Variants in BRF1 observed in about 807,000 individuals in gnomAD.
The protein encoded by BRF1 is BRF1 general transcription factor IIIB subunit, also known as transcription factor IIIB 90 kDa subunit.
A neutral mutation model predicts 81.7 loss-of-function variants in BRF1; 59 were observed. That is an observed-to-expected ratio of 0.72 (90% CI 0.59 to 0.90). The LOEUF (loss-of-function observed/expected upper bound fraction) is 0.90. BRF1 is among the 40% of genes least tolerant of loss of function. BRF1 has a pLI of 0.00. For synonymous variants in BRF1, 491 were observed against 395.6 expected (o/e 1.24, Z -2.86); for missense variants, 1,050 against 936.3 (o/e 1.12, Z -1.58).
Position 105,315,090 on chromosome 14 carries a change from C to CTGGCCGCG in BRF1, c.-162+224_-162+231dup. On this transcript the variant is annotated intron_variant, in intron 1 of 17. Transcript: ENST00000327359. This position sits in a 1 kb window ranked among gnomAD's most constrained non-coding sequence, Gnocchi z 4.4. ...CCGCCGGGCACCTGCTGGGGGTGTC[C>CTGGCCGCG]TGGCCGCGGCCTCTGCGCGCCCCAT... 9.5e-7 allele frequency: 1 copy of CTGGCCGCG among 1,048,746 alleles called. No individual in the cohort carries two copies. Among genetic ancestry groups the CTGGCCGCG allele is most frequent in the Middle Eastern group, 4.4e-4 (1 of 2,298 alleles). The allele number at this position is 1,048,746 out of a possible 1,614,324, so 65.0% of individuals were successfully genotyped here. A position where few individuals can be genotyped will look rare whatever the true frequency, so the allele number is the denominator to read the frequency against.
intron 5 of BRF1, among the ~76,000 whole-genome samples, chr14:105,243,327 A>C (rs185984766): frequency 4.4e-4 from 66 of 150,978 alleles, no homozygotes; most frequent in African/African-American, 1.6e-3. Flanking sequence ...GCGGGCACCT[A>C]TAGTCCCAGA....
At chr14:105,311,903 G>C (rs2058360434) in intron 1 of BRF1, among the ~76,000 whole-genome samples, 1 of 152,248 alleles carries the variant, frequency 6.6e-6, no homozygotes, top group Non-Finnish European at 1.5e-5. Context: ...GGCCTGTCTA[G>C]GGGTTCGGCA....
chr14:105,252,282 G>C (rs2055658504), intron 5 of BRF1: 25 of 777,838 alleles, frequency 3.2e-5, no homozygotes, highest in Non-Finnish European at 3.7e-5. Context: ...TGAGGCTGCA[G>C]TGAGCTACGA....
chr14:105,310,757 A>C (rs10148455), intron 1 of BRF1, among the ~76,000 whole-genome samples: 1 of 152,060 alleles, frequency 6.6e-6, no homozygotes. Flanking sequence ...CATGTTCATC[A>C]TGGAGAAAAT....
chr14:105,249,024 C>T lies in BRF1; in HGVS notation c.544+3483G>A, dbSNP rs2055379390. 1 of 1,165,698 alleles carries T rather than the reference C, an allele frequency of 8.6e-7. No homozygotes were observed. The highest frequency in any genetic ancestry group is 1.1e-6 in the Non-Finnish European group (1 of 947,792). 72.2% of individuals were successfully genotyped at this position (1,165,698 alleles called of 1,614,324 possible). A position where few individuals can be genotyped will look rare whatever the true frequency, so the allele number is the denominator to read the frequency against. ...GCCGCCCGCGCCCGCGCCGCCCACA[C>T]TCGGCAACAACCACCAGGAGAGCCC... On this transcript the variant is annotated intron_variant, in intron 5 of 17. Transcript: ENST00000547530.
chr14:105,220,946 C>G (rs934541623), intron 11 of BRF1, among the ~76,000 whole-genome samples: 2 of 152,228 alleles, frequency 1.3e-5, no homozygotes, highest in African/African-American at 2.4e-5. Context: ...GCCTGTTGCT[C>G]TGTGTGACTC....
At chr14:105,243,586 C>A (rs1317794600) in intron 5 of BRF1, among the ~76,000 whole-genome samples, 1 of 150,904 alleles carries the variant, frequency 6.6e-6, no homozygotes, top group Non-Finnish European at 1.5e-5. Context: ...CCACTGTACT[C>A]AGGCCTGGGC....
At chr14:105,253,235 C>T (rs1182417894) in intron 4 of BRF1, among the ~76,000 whole-genome samples, 6 of 152,196 alleles carry the variant, frequency 3.9e-5, no homozygotes, top group East Asian at 1.9e-4. Flanking sequence ...ACAGCCCTGC[C>T]GTGGGCCGAG....
At chr14:105,252,372 A>G in intron 5 of BRF1, 135 bp downstream of exon 5, 1 of 1,427,370 alleles carries the variant, frequency 7.0e-7, no homozygotes, top group Non-Finnish European at 9.1e-7. Context: ...AGCTCCTAGC[A>G]GCTTTAAGAA....
At chr14:105,222,164 A>C in intron 10 of BRF1, 1 of 447,488 alleles carries the variant, frequency 2.2e-6, no homozygotes, top group Non-Finnish European at 3.9e-6. Context: ...CGTAAAAGAA[A>C]AACTTTGTGA....
At chr14:105,314,752 C>T (rs1038948499) in intron 1 of BRF1, 24 of 151,090 alleles carry the variant, frequency 1.6e-4, no homozygotes, top group Non-Finnish European at 2.9e-4. Flanking sequence ...GCGGCCGCAG[C>T]TCGTCGCCGC....
intron 7 of BRF1, chr14:105,227,318 G>C (rs1213336266): frequency 6.5e-6 from 1 of 153,442 alleles, no homozygotes; most frequent in Non-Finnish European, 1.4e-5. Context: ...TACTCGGGAG[G>C]CTGAGGCCGG....
intron 4 of BRF1, among the ~76,000 whole-genome samples, chr14:105,254,479 G>T (rs868015141): frequency 3.3e-5 from 5 of 152,096 alleles, no homozygotes; most frequent in South Asian, 2.1e-4. Flanking sequence ...GGATGGTCTC[G>T]ATCTCCAGAC....
chr14:105,262,057 C>T (rs587751468), intron 3 of BRF1, among the ~76,000 whole-genome samples: 19 of 152,362 alleles, frequency 1.2e-4, no homozygotes, highest in Non-Finnish European at 2.6e-4. Flanking sequence ...AAGGGCAAGG[C>T]CCTGGCAGCA....
chr14:105,291,257 G>C (rs751337324), intron 1 of BRF1, among the ~76,000 whole-genome samples: 2 of 152,174 alleles, frequency 1.3e-5, no homozygotes, highest in African/African-American at 4.8e-5. Flanking sequence ...CCATACCGCC[G>C]AACAGACAGA....
chr14:105,305,514 C>T (rs908893561), upstream of BRF1, among the ~76,000 whole-genome samples: 2 of 152,120 alleles, frequency 1.3e-5, no homozygotes, highest in Non-Finnish European at 1.5e-5. Context: ...AGGAAGTGGC[C>T]CTCACCAGAC....
intron 15 of BRF1, among the ~76,000 whole-genome samples, chr14:105,216,029 ACAGG>A (rs1410913998): frequency 3.3e-5 from 4 of 119,710 alleles, no homozygotes; most frequent in Non-Finnish European, 6.4e-5. Context: ...GCATACAGAC[ACAGG>A]CACACACACT....
intron 1 of BRF1, among the ~76,000 whole-genome samples, chr14:105,306,936 A>G (rs2058204987): frequency 1.3e-5 from 2 of 151,934 alleles, no homozygotes; most frequent in Admixed American, 1.3e-4. Context: ...GTGCTTTGAC[A>G]TCTTGGGGTC....
chr14:105,250,275 G>A (rs763806897), intron 5 of BRF1: 4 of 1,613,090 alleles, frequency 2.5e-6, no homozygotes, highest in East Asian at 2.2e-5. Flanking sequence ...TGGCGGTACC[G>A]CGGGCGCTGC....
Sources: gnomAD v4.1 joint callset for allele counts (sites outside exome capture counted in the v4.1 genomes callset) on GRCh38, gnomAD v4.1.1 for gene constraint, Gnocchi (gnomAD v3.1) non-coding constraint, MANE v1.5 for transcripts, NCBI Gene and HGNC (gene_info 2026-07-23, HGNC 2026-07-21) for gene names.